SYT16: variants seen among roughly 807,000 people sequenced by gnomAD.
SYT16 encodes the protein synaptotagmin 16.
SYT16 carries 42 observed loss-of-function variants against 61.4 expected under a neutral mutation model. That is an observed-to-expected ratio of 0.68 (90% CI 0.53 to 0.89). The LOEUF is 0.89. Ranked by LOEUF, SYT16 falls within the 40% of genes least tolerant of loss-of-function variation. The probability of loss-of-function intolerance (pLI) is 0.00; values close to 1 mark genes in which losing one functional copy is unlikely to be tolerated. For synonymous variants in SYT16, 314 were observed against 302.3 expected (o/e 1.04, Z -0.40); for missense variants, 804 against 807.3 (o/e 1.00, Z 0.05).
intron 7 of SYT16, among the ~76,000 whole-genome samples, chr14:62,090,695 A>G (rs1177345521): frequency 6.6e-6 from 1 of 152,208 alleles, no homozygotes; most frequent in Admixed American, 6.5e-5. Flanking sequence ...GTTAAAAAAT[A>G]TTAAAAGCAA....
chr14:62,100,421 A>C lies in SYT16; in HGVS notation c.1652A>C (p.Asn551Thr), dbSNP rs750422099. The C allele has an allele frequency of 6.2e-7, 1 of 1,611,500 alleles. No homozygotes were observed. The highest frequency in any genetic ancestry group is 1.7e-5 in the Admixed American group (1 of 59,656). Residue 551 changes from asparagine to threonine, a missense_variant, in exon 8 of 8, where the codon AAT becomes ACT. Physicochemically the swap from Asn to Thr is moderately conservative, Grantham distance 65 (BLOSUM62 0). Coordinates refer to ENST00000683842, the MANE Select transcript of SYT16 (RefSeq NM_001367656.1). ...ACATATGGAAAACTCTTTCTCCTCAATTCTGTGGGTCAAGAGATGTCCCGT... is the reference window on the plus strand; with the variant it reads ...ACATATGGAAAACTCTTTCTCCTCACTTCTGTGGGTCAAGAGATGTCCCGT... ...PDTYGKLFLL[N>T]SVGQEMSRCK...
chr14:61,831,311 C>T (rs936046317), intron 1 of SYT16, among the ~76,000 whole-genome samples: 9 of 152,036 alleles, frequency 5.9e-5, no homozygotes, highest in Admixed American at 2.6e-4. Flanking sequence ...AATGAGAGTC[C>T]CTTCAACATT....
chr14:61,991,309 G>A (rs560782775), intron 2 of SYT16, among the ~76,000 whole-genome samples: 1 of 143,442 alleles, frequency 7.0e-6, no homozygotes, highest in Admixed American at 7.2e-5. Flanking sequence ...CAGGGAACTG[G>A]ACTTTTTTTC....
rs531155402 is a variant in SYT16 at position 62,064,173 on chromosome 14, A to G, written c.524-5430A>G. ...TTTATATGATGCTTCAGAAAATACT[A>G]TCTTATTGCTGAAATAAGTGTCACA... On this transcript the variant is annotated intron_variant, in intron 3 of 7. Coordinates refer to ENST00000683842, the MANE Select transcript of SYT16 (RefSeq NM_001367656.1). 2.0e-4 allele frequency among the ~76,000 whole-genome samples: 31 copies of G among 152,260 alleles called. 1 individual carries two copies. The highest frequency in any genetic ancestry group is 5.8e-4 in the African/African-American group (24 of 41,550).
intron 3 of SYT16, among the ~76,000 whole-genome samples, chr14:62,011,904 C>CACACACACACACAT (rs755955809): frequency 1.1e-5 from 1 of 90,176 alleles, no homozygotes; most frequent in African/African-American, 7.8e-5. Flanking sequence ...CACACACACA[C>CACACACACACACAT]ATATATATAC....
In SYT16 at chr14:61,958,399, C is replaced by T. The variant is rs77056310; in HGVS notation, c.-324-11733C>T. The stretch of plus-strand genomic sequence containing the variant: ...TTTGAGATCTTTCTCCTTTAATGTA[C>T]GTATTTATTGCTTTAAACTTCTCTT... On this transcript the variant is annotated intron_variant, in intron 1 of 7. Transcript: ENST00000683842. Among the ~76,000 whole-genome samples, 860 of 151,518 alleles carry T rather than the reference C, an allele frequency of 5.7e-3. 8 individuals carry two copies. Among genetic ancestry groups the T allele is most frequent in the African/African-American group, 0.02 (814 of 41,344 alleles).
At chr14:61,968,995 A>G (rs1253182579) in intron 1 of SYT16, among the ~76,000 whole-genome samples, 4 of 152,148 alleles carry the variant, frequency 2.6e-5, no homozygotes, top group Non-Finnish European at 1.5e-5. Flanking sequence ...CACTAGGTTG[A>G]TTCAGTAAGG....
At position 62,029,976 on chromosome 14, in the gene SYT16, A is replaced by T. The variant is rs541950453; in HGVS notation, c.523+33434A>T. Reference sequence around the variant, plus strand: ...GTAGTTCTGATTTTTTTTCTTTTGGAAATTGCTCACAAATCAGAAGGCTTC... The same window carrying T: ...GTAGTTCTGATTTTTTTTCTTTTGGTAATTGCTCACAAATCAGAAGGCTTC... On this transcript the variant is annotated intron_variant, in intron 3 of 7. Transcript: ENST00000683842. Among the ~76,000 whole-genome samples, 36 of 151,680 alleles carry T rather than the reference A, an allele frequency of 2.4e-4. 1 individual carries two copies. The highest frequency in any genetic ancestry group is 6.3e-3 in the Middle Eastern group (2 of 316).
At chr14:61,816,461 C>G (rs1486748688) in intron 1 of SYT16, among the ~76,000 whole-genome samples, 1 of 152,164 alleles carries the variant, frequency 6.6e-6, no homozygotes, top group Non-Finnish European at 1.5e-5. Flanking sequence ...TAAATGATTT[C>G]TAACCCTAGT....
intron 1 of SYT16, among the ~76,000 whole-genome samples, chr14:61,817,608 C>A (rs1280052471): frequency 6.6e-6 from 1 of 151,934 alleles, no homozygotes; most frequent in East Asian, 1.9e-4. Flanking sequence ...ATGGCTGAGG[C>A]ACTGTTCAGA....
chr14:62,021,993 C>T (rs2053926917), intron 3 of SYT16, among the ~76,000 whole-genome samples: 1 of 150,590 alleles, frequency 6.6e-6, no homozygotes. Flanking sequence ...AAGCCAAGTG[C>T]TTTCTAATGG....
chr14:61,884,667 TTAGCAGGAG>T (rs1185173790), intron 1 of SYT16, among the ~76,000 whole-genome samples: 1 of 152,216 alleles, frequency 6.6e-6, no homozygotes, highest in Admixed American at 6.5e-5. Flanking sequence ...GTTTCCAAAA[TTAGCAGGAG>T]TAGCAGGACA....
chr14:62,000,099 ATTTTTTTTTTTTT>A, intron 3 of SYT16, among the ~76,000 whole-genome samples: 3 of 18,958 alleles, frequency 1.6e-4, no homozygotes, highest in Admixed American at 8.1e-4. Flanking sequence ...TTGTCTCTCG[ATTTTTTTTTTTTT>A]TTTTTTTTTT....
At chr14:61,934,292 A>G (rs1204813886) in intron 1 of SYT16, among the ~76,000 whole-genome samples, 2 of 152,132 alleles carry the variant, frequency 1.3e-5, no homozygotes, top group African/African-American at 4.8e-5. Context: ...TTGTACCTAT[A>G]TGTAAATGGC....
In SYT16 at chr14:61,817,275, G is replaced by A. The variant is rs376349280; in HGVS notation, c.-325+4465G>A. ...CTACTAAAAATACAAAAAATTAGCC[G>A]GGTGTGGTGACAGGCGCCTGTAATC... is the stretch of plus-strand genomic sequence containing the variant. On this transcript the variant is annotated intron_variant, in intron 1 of 7. Transcript: ENST00000683842. Among the ~76,000 whole-genome samples, 5 of 151,902 alleles carry A rather than the reference G, an allele frequency of 3.3e-5. No individual in the cohort carries two copies. The South Asian group carries it at 6.3e-4, about 19-fold the overall frequency.
intron 1 of SYT16, among the ~76,000 whole-genome samples, chr14:61,950,419 T>A (rs540498824): frequency 6.6e-6 from 1 of 152,278 alleles, no homozygotes; most frequent in African/African-American, 2.4e-5. Context: ...GCTGCAACCC[T>A]TTGGCCCCAT....
rs376295336 is a variant in SYT16, at chr14:61,996,437, A to C, written c.418A>C (p.Ile140Leu). The change falls in exon 3 of 8, where the codon ATT (isoleucine) becomes CTT (leucine). Residue 140 changes from isoleucine to leucine, a missense_variant. By Grantham distance (5) the Ile-to-Leu change is conservative (BLOSUM62 2). Transcript: ENST00000683842. ...DRKLPHVLSS[I>L]AEEEHHLEKQ... ...CAAGTTACCACATGTGCTTTCTTCT[A>C]TTGCGGAGGAAGAGCATCACCTTGA... 2.1e-5 allele frequency: 34 copies of C among 1,613,432 alleles called. 1 individual carries two copies. The East Asian group carries it at 2.9e-4, about 14-fold the overall frequency.
At chr14:61,988,005 C>T (rs556997021) in intron 2 of SYT16, among the ~76,000 whole-genome samples, 14 of 151,984 alleles carry the variant, frequency 9.2e-5, no homozygotes, top group Admixed American at 7.9e-4. Context: ...GGATGTAATT[C>T]CTATTGTGTC....
rs112153332 is a variant in SYT16 at position 61,958,288 on chromosome 14, C to A, written c.-324-11844C>A. ...CTAGTCCATTTTTTTTCTGATCTTA[C>A]CTTTACTATTTTCTTCCTTCTGCTA... On this transcript the variant is annotated intron_variant, in intron 1 of 7. Coordinates refer to ENST00000683842, the MANE Select transcript of SYT16 (RefSeq NM_001367656.1). Among the ~76,000 whole-genome samples, 383 of 151,038 alleles carry A rather than the reference C, an allele frequency of 2.5e-3. 2 individuals are homozygous for A. The highest frequency in any genetic ancestry group is 8.8e-3 in the African/African-American group (362 of 41,276).
Sources: allele counts gnomAD v4.1 joint callset (sites outside exome capture counted in the v4.1 genomes callset), GRCh38; gene constraint gnomAD v4.1.1; transcripts MANE v1.5; gene names NCBI Gene and HGNC (gene_info 2026-07-23, HGNC 2026-07-21).